ACVR2A: variants seen among roughly 807,000 people sequenced by gnomAD.
ACVR2A encodes the protein activin receptor type-2A.
In ACVR2A, 7 loss-of-function variants were observed where a neutral mutation model predicts 61.4. The ratio of observed to expected loss-of-function variants is 0.11; its 90% CI spans 0.06 to 0.21. The LOEUF is 0.21. ACVR2A is among the 10% of genes least tolerant of loss of function. The pLI is 1.00. For synonymous variants in ACVR2A, 193 were observed against 208.3 expected (o/e 0.93, Z 0.63); for missense variants, 322 against 621.7 (o/e 0.52, Z 5.13).
rs1415964529 is a variant in ACVR2A, at chr2:147,928,577, A to AACTT, written c.*1305_*1308dup. 1.3e-5 allele frequency: 2 copies of AACTT among 152,342 alleles called. No homozygotes were observed. The highest frequency in any genetic ancestry group is 1.9e-4 in the East Asian group (1 of 5,202). The allele number at this position is 152,342 out of a possible 1,614,324, so 9.4% of individuals were successfully genotyped here. The stretch of plus-strand genomic sequence containing the variant: ...ATCAGGGATAACAAATTAAACGTAT[A>AACTT]ACTTAAAATATGCAATGACATTTAG... On this transcript the variant is annotated 3_prime_UTR_variant, in exon 11 of 11. Coordinates refer to ENST00000241416, the MANE Select transcript of ACVR2A (RefSeq NM_001616.5).
At chr2:147,903,551 AAT>A (rs1347700119) in intron 4 of ACVR2A, among the ~76,000 whole-genome samples, 1 of 152,086 alleles carries the variant, frequency 6.6e-6, no homozygotes, top group East Asian at 1.9e-4. Flanking sequence ...ATGTGCTTAA[AAT>A]ATGTGTGGGC....
intron 1 of ACVR2A, among the ~76,000 whole-genome samples, chr2:147,865,245 T>G (rs1209237261): frequency 6.6e-6 from 1 of 152,158 alleles, no homozygotes; most frequent in African/African-American, 2.4e-5. Context: ...AAAGTCTTCC[T>G]TTTTCCTCTC....
At chr2:147,900,858 G>C (rs886837296) in intron 4 of ACVR2A, among the ~76,000 whole-genome samples, 5 of 151,956 alleles carry the variant, frequency 3.3e-5, no homozygotes, top group African/African-American at 1.2e-4. Context: ...AAATGGCAAA[G>C]TCCTATAATT....
chr2:147,844,649 G>A, upstream of ACVR2A: 1 of 155,178 alleles, frequency 6.4e-6, no homozygotes. Context: ...CCGCCTCGCC[G>A]CCACCGCCGC....
intron 1 of ACVR2A, among the ~76,000 whole-genome samples, chr2:147,855,425 A>T (rs11681013): frequency 0.055 from 8,320 of 152,228 alleles, 295 homozygotes; most frequent in Non-Finnish European, 0.084. Context: ...TGGCAGTGTG[A>T]AGCAAAGAGT....
At position 147,927,742 on chromosome 2, in the gene ACVR2A, A is replaced by G. The variant is rs1687538187; in HGVS notation, c.*468A>G. On this transcript the variant is annotated 3_prime_UTR_variant, in exon 11 of 11. Coordinates refer to ENST00000241416, the MANE Select transcript of ACVR2A (RefSeq NM_001616.5). ...GTTGTTTCTATAAATGACTATTGTA[A>G]TGCCAATATGACACAGCTTGTGAAT... The G allele has an allele frequency of 6.5e-6, 1 of 153,792 alleles. No individual in the cohort carries two copies. Among genetic ancestry groups the G allele is most frequent in the African/African-American group, 2.4e-5 (1 of 41,420 alleles). 9.5% of individuals were successfully genotyped at this position (153,792 alleles called of 1,614,324 possible). A position where few individuals can be genotyped will look rare whatever the true frequency, so the allele number is the denominator to read the frequency against.
chr2:147,882,464 T>C (rs1686328577), intron 1 of ACVR2A, among the ~76,000 whole-genome samples: 1 of 152,154 alleles, frequency 6.6e-6, no homozygotes, highest in African/African-American at 2.4e-5. Flanking sequence ...GGCAGGAGAA[T>C]CGCTTGAACC....
chr2:147,886,836 A>T (rs1686451672), intron 1 of ACVR2A, among the ~76,000 whole-genome samples: 1 of 150,432 alleles, frequency 6.6e-6, no homozygotes, highest in African/African-American at 2.5e-5. Flanking sequence ...GACCCCAAAA[A>T]CTCCTTAATG....
chr2:147,908,908 A>T (rs1293012880), intron 4 of ACVR2A, among the ~76,000 whole-genome samples: 1 of 152,142 alleles, frequency 6.6e-6, no homozygotes, highest in Non-Finnish European at 1.5e-5. Flanking sequence ...CTTATAACAC[A>T]TATCATATAT....
rs140445836 is a variant in ACVR2A at position 147,862,573 on chromosome 2, G to A, written c.55+17366G>A. 1.1e-3 allele frequency among the ~76,000 whole-genome samples: 165 copies of A among 152,102 alleles called. 1 individual carries two copies. Among genetic ancestry groups the A allele is most frequent in the Admixed American group, 1.4e-3 (21 of 15,276 alleles). On this transcript the variant is annotated intron_variant, in intron 1 of 10. Coordinates refer to ENST00000241416, the MANE Select transcript of ACVR2A (RefSeq NM_001616.5). ...AGCCTGGCCAACATGGTGCAACCCC[G>A]TCTTTACTAAAAATATGAAAATTAG...
At chr2:147,872,549 A>T (rs550238338) in intron 1 of ACVR2A, among the ~76,000 whole-genome samples, 23 of 149,988 alleles carry the variant, frequency 1.5e-4, no homozygotes, top group African/African-American at 5.1e-4. Context: ...TGTTGGCTTG[A>T]TCTCTTCCTT....
At chr2:147,891,748 G>A (rs1452715967) in intron 1 of ACVR2A, among the ~76,000 whole-genome samples, 1 of 152,142 alleles carries the variant, frequency 6.6e-6, no homozygotes, top group Non-Finnish European at 1.5e-5. Flanking sequence ...CACATGGCCT[G>A]TAAAGCCTGA....
intron 1 of ACVR2A, among the ~76,000 whole-genome samples, chr2:147,845,812 A>G (rs1288473498): frequency 4.6e-5 from 7 of 152,336 alleles, no homozygotes; most frequent in Non-Finnish European, 8.8e-5. Flanking sequence ...AACCCAGTGC[A>G]GAAGAGGTAT....
At chr2:147,924,013 T>C (rs905709683) in intron 9 of ACVR2A, among the ~76,000 whole-genome samples, 2 of 152,026 alleles carry the variant, frequency 1.3e-5, no homozygotes, top group Admixed American at 6.6e-5. Flanking sequence ...TAAAGGGAAT[T>C]TAATAGAGTG....
At chr2:147,926,815 A>G (rs996123982) in intron 10 of ACVR2A, among the ~76,000 whole-genome samples, 2 of 151,862 alleles carry the variant, frequency 1.3e-5, no homozygotes, top group African/African-American at 4.8e-5. Flanking sequence ...AAGGGTTAGC[A>G]TTGAAATGAC....
At chr2:147,880,046 TAA>T (rs1034036600) in intron 1 of ACVR2A, among the ~76,000 whole-genome samples, 5 of 152,310 alleles carry the variant, frequency 3.3e-5, no homozygotes, top group African/African-American at 9.6e-5. Context: ...TTTTACTGAT[TAA>T]GAGTGCTAGT....
intron 9 of ACVR2A, among the ~76,000 whole-genome samples, chr2:147,923,930 T>C (rs2105222636): frequency 6.6e-6 from 1 of 152,224 alleles, no homozygotes; most frequent in African/African-American, 2.4e-5. Context: ...TATTTTATTT[T>C]CTGAGTACTG....
At chr2:147,925,060 A>C (rs1246442649) in intron 9 of ACVR2A, among the ~76,000 whole-genome samples, 1 of 151,950 alleles carries the variant, frequency 6.6e-6, no homozygotes, top group Non-Finnish European at 1.5e-5. Context: ...GCTTCACAAA[A>C]TTTGTGTTTA....
rs1687523927 is a variant in ACVR2A, at chr2:147,927,154, T to C, written c.1422T>C (p.Cys474=). 1 of 1,612,408 alleles carries C rather than the reference T, an allele frequency of 6.2e-7. No individual in the cohort carries two copies. Among genetic ancestry groups the C allele is most frequent in the African/African-American group, 1.3e-5 (1 of 74,914 alleles). The change falls in exon 11 of 11, where the codon TGT becomes TGC. Residue 474 remains cysteine (C), a synonymous_variant. Transcript: ENST00000241416. ...HDAEARLSAG[C]VGERITQMQR... ...CAGAAGCCAGGTTATCAGCTGGATG[T>C]GTAGGTGAAAGAATTACCCAGATGC...
Sources: allele counts gnomAD v4.1 joint callset (sites outside exome capture counted in the v4.1 genomes callset), GRCh38; gene constraint gnomAD v4.1.1; transcripts MANE v1.5; gene names NCBI Gene and HGNC (gene_info 2026-07-23, HGNC 2026-07-21).